NCALD: variants seen among roughly 807,000 people sequenced by gnomAD.
NCALD encodes the protein neurocalcin delta, also known as neurocalcin-delta.
Under a neutral mutation model 18.6 loss-of-function variants are expected in NCALD, and 10 were observed. The observed-to-expected ratio is 0.54, with a 90% CI of 0.33 to 0.91. The LOEUF is 0.91. Among genes scored for constraint, NCALD ranks in the 40% least tolerant of loss-of-function variants. NCALD has a pLI of 0.03. For synonymous variants in NCALD, 88 were observed against 87.4 expected, an observed-to-expected ratio of 1.01 and a Z score of -0.04; for missense variants, 184 against 247.6, an observed-to-expected ratio of 0.74 and a Z score of 1.72.
upstream of NCALD, among the ~76,000 whole-genome samples, chr8:101,792,463 C>G (rs1209413847): frequency 6.6e-6 from 1 of 152,158 alleles, no homozygotes; most frequent in Non-Finnish European, 1.5e-5. Flanking sequence ...TTAGCTGTGG[C>G]ACTGCAAAAC....
At position 101,688,756 on chromosome 8, in the gene NCALD, A is replaced by G; in HGVS notation, c.*553T>C. On this transcript the variant is annotated 3_prime_UTR_variant, in exon 4 of 4. Coordinates refer to ENST00000220931, the MANE Select transcript of NCALD (RefSeq NM_032041.3). ...TTATCTTGAAATGTTCACAGCTTAG[A>G]AACTACAGCCTGCTGGGGAAGAGAG... is the stretch of plus-strand genomic sequence containing the variant. 2 of 553,814 alleles carry G rather than the reference A, an allele frequency of 3.6e-6. No homozygotes were observed. Among genetic ancestry groups the G allele is most frequent in the Non-Finnish European group, 6.9e-6 (2 of 291,316 alleles). The allele number at this position is 553,814 out of a possible 1,614,324, so 34.3% of individuals were successfully genotyped here.
intron 4 of NCALD, among the ~76,000 whole-genome samples, chr8:101,884,148 C>T (rs1816589461): frequency 6.6e-6 from 1 of 152,176 alleles, no homozygotes; most frequent in Non-Finnish European, 1.5e-5. Context: ...AGAACCTCTG[C>T]TCTGGCCTTT....
At chr8:101,798,163 T>C (rs541058054) in intron 4 of NCALD, among the ~76,000 whole-genome samples, 4 of 152,210 alleles carry the variant, frequency 2.6e-5, no homozygotes, top group Admixed American at 2.0e-4. Context: ...GCCATTTCAA[T>C]AAGGTAAGGA....
chr8:101,837,345 CAAAT>C (rs754992919), intron 4 of NCALD, among the ~76,000 whole-genome samples: 12 of 152,130 alleles, frequency 7.9e-5, no homozygotes, highest in Non-Finnish European at 1.6e-4. Context: ...TAACATATAT[CAAAT>C]AAATAGTGTA....
At chr8:101,787,322 C>A (rs1040411277) in intron 1 of NCALD, among the ~76,000 whole-genome samples, 1 of 152,130 alleles carries the variant, frequency 6.6e-6, no homozygotes, top group African/African-American at 2.4e-5. Flanking sequence ...GAATAAGAAA[C>A]GTTTGAGAAC....
intron 4 of NCALD, among the ~76,000 whole-genome samples, chr8:101,801,780 C>A (rs986331386): frequency 4.7e-5 from 7 of 149,668 alleles, no homozygotes; most frequent in African/African-American, 1.5e-4. Context: ...CATTCTCCTG[C>A]CTCAGCCTCC....
chr8:101,977,446 G>C (rs1156615091), intron 2 of NCALD, among the ~76,000 whole-genome samples: 1 of 151,686 alleles, frequency 6.6e-6, no homozygotes, highest in Non-Finnish European at 1.5e-5. Context: ...TTGTTGTTAA[G>C]TTCCCCGAAG....
At chr8:102,094,777 A>T (rs1389363958) in intron 1 of NCALD, among the ~76,000 whole-genome samples, 2 of 152,246 alleles carry the variant, frequency 1.3e-5, no homozygotes, top group African/African-American at 4.8e-5. Context: ...TCCTTATAAA[A>T]GGGAAATCTG....
In NCALD at chr8:101,789,567, A is replaced by G. The variant is rs113226670; in HGVS notation, c.-20+1295T>C. Among the ~76,000 whole-genome samples the G allele has an allele frequency of 7.2e-3, 1,104 of 152,340 alleles. 13 individuals carry two copies. The highest frequency in any genetic ancestry group is 0.024 in the African/African-American group (988 of 41,584). On this transcript the variant is annotated intron_variant, in intron 1 of 3. Coordinates refer to ENST00000220931, the MANE Select transcript of NCALD (RefSeq NM_032041.3). ...ATGCTATTAGAATTCTGAAACTAAT[A>G]AAGAACATAAAAATTAAAACAATAT...
chr8:101,779,281 A>G (rs181754135), intron 1 of NCALD, among the ~76,000 whole-genome samples: 1 of 152,198 alleles, frequency 6.6e-6, no homozygotes, highest in Admixed American at 6.5e-5. Context: ...AAGAGCTTAA[A>G]TCTAGTCCAC....
chr8:101,767,687 G>A (rs1040238617), intron 1 of NCALD, among the ~76,000 whole-genome samples: 7 of 152,220 alleles, frequency 4.6e-5, no homozygotes, highest in African/African-American at 7.2e-5. Context: ...GATTTGCCCA[G>A]GTTTTACTAC....
At chr8:101,930,562 TCCTC>T (rs1243064049) in intron 2 of NCALD, among the ~76,000 whole-genome samples, 1 of 151,786 alleles carries the variant, frequency 6.6e-6, no homozygotes, top group Non-Finnish European at 1.5e-5. Context: ...AGGGTCCTCT[TCCTC>T]CCTCGTCACC....
chr8:101,853,828 AC>A (rs893549358), intron 4 of NCALD, among the ~76,000 whole-genome samples: 53 of 152,230 alleles, frequency 3.5e-4, no homozygotes, highest in African/African-American at 1.2e-3. Context: ...TCCCCAGGGG[AC>A]CCTGCTCCCC....
At chr8:102,011,508 C>G (rs1821902283) in intron 2 of NCALD, among the ~76,000 whole-genome samples, 1 of 152,168 alleles carries the variant, frequency 6.6e-6, no homozygotes, top group African/African-American at 2.4e-5. Flanking sequence ...ACCAAGGGTA[C>G]CCCTGAAGGC....
At chr8:102,033,910 T>C (rs1403422223) in intron 1 of NCALD, among the ~76,000 whole-genome samples, 1 of 151,978 alleles carries the variant, frequency 6.6e-6, no homozygotes, top group Non-Finnish European at 1.5e-5. Flanking sequence ...GAAAAGCATA[T>C]GGGAGTTGAT....
intron 2 of NCALD, among the ~76,000 whole-genome samples, chr8:101,967,947 C>T (rs1313940101): frequency 6.6e-6 from 1 of 152,268 alleles, no homozygotes; most frequent in Non-Finnish European, 1.5e-5. Context: ...CAGCAACCTC[C>T]CCTCTGACAA....
At chr8:101,735,870 CTTCT>C (rs1809886937) in intron 1 of NCALD, among the ~76,000 whole-genome samples, 1 of 152,188 alleles carries the variant, frequency 6.6e-6, no homozygotes, top group Non-Finnish European at 1.5e-5. Context: ...CTTCTTCTTC[CTTCT>C]GAGTCACCGT....
At chr8:102,022,251 A>T (rs541319666) in intron 1 of NCALD, among the ~76,000 whole-genome samples, 1 of 152,096 alleles carries the variant, frequency 6.6e-6, no homozygotes, top group Non-Finnish European at 1.5e-5. Flanking sequence ...ACAAATGGAG[A>T]CTCCCCAGCA....
chr8:102,050,034 C>T (rs572711242), intron 1 of NCALD, among the ~76,000 whole-genome samples: 2 of 149,810 alleles, frequency 1.3e-5, no homozygotes, highest in African/African-American at 4.9e-5. Flanking sequence ...CGGTGGCGGG[C>T]GCCTGTAGTC....
Sources: allele counts gnomAD v4.1 joint callset (sites outside exome capture counted in the v4.1 genomes callset), GRCh38; gene constraint gnomAD v4.1.1; transcripts MANE v1.5; gene names NCBI Gene and HGNC (gene_info 2026-07-23, HGNC 2026-07-21).